Variants in NLRP14 observed in about 807,000 individuals in gnomAD.
The protein encoded by NLRP14 is NLR family pyrin domain containing 14, also known as NACHT, LRR and PYD domains-containing protein 14.
NLRP14 carries 105 observed loss-of-function variants against 94.7 expected under a neutral mutation model. The observed-to-expected ratio is 1.11, with a 90% CI of 0.95 to 1.30. NLRP14 has a LOEUF of 1.30. Among genes scored for constraint, NLRP14 ranks in the 50% most tolerant of loss-of-function variants. The pLI is 0.00. For missense variants in NLRP14, 1,362 were observed against 1,254.1 expected, an observed-to-expected ratio of 1.09 and a Z score of -1.30; for synonymous variants, 508 against 459.9, an observed-to-expected ratio of 1.10 and a Z score of -1.34.
intron 4 of NLRP14, among the ~76,000 whole-genome samples, chr11:7,044,331 G>C (rs1044013083): frequency 4.6e-5 from 7 of 152,128 alleles, no homozygotes; most frequent in African/African-American, 1.4e-4. Context: ...TTGCATCCAT[G>C]ATAATAAGTA....
downstream of NLRP14, among the ~76,000 whole-genome samples, chr11:7,075,238 C>A (rs1181285646): frequency 6.6e-6 from 1 of 152,130 alleles, no homozygotes; most frequent in Admixed American, 6.5e-5. Context: ...ATTTCTCAAG[C>A]CTAATAGCAC....
At chr11:7,087,410 A>G in the NLRP14 span, among the ~76,000 whole-genome samples, 26 of 152,348 alleles carry the variant, frequency 1.7e-4, no homozygotes, top group African/African-American at 5.8e-4. Flanking sequence ...GAGCCCTGCA[A>G]ATAAATGCCC....
intron 3 of NLRP14, 90 bp from the exon 4 acceptor site, chr11:7,042,298 A>G: frequency 9.5e-7 from 1 of 1,054,812 alleles, no homozygotes; most frequent in Non-Finnish European, 1.5e-6. Context: ...CCTAATTCCA[A>G]GTTCGGTATT....
At chr11:7,069,909 G>A (rs1852765897) in intron 10 of NLRP14, among the ~76,000 whole-genome samples, 1 of 152,160 alleles carries the variant, frequency 6.6e-6, no homozygotes, top group African/African-American at 2.4e-5. Context: ...TTACAGGCAT[G>A]AGCCACCATG....
chr11:7,070,577 TTA>T lies in NLRP14; in HGVS notation c.3146+123_3146+124del, dbSNP rs533371545. On this transcript the variant is annotated intron_variant, in intron 11 of 11. Transcript: ENST00000299481. ...GTATCATTGGGTATTTTCTAGACAC[TTA>T]TTTGTTTTTCTGTCATAGAACACTG... The T allele has an allele frequency of 4.0e-4, 278 of 694,494 alleles. 3 individuals are homozygous for T. The South Asian group carries it at 4.3e-3, about 11-fold the overall frequency. The allele number at this position is 694,494 out of a possible 1,614,324, so 43.0% of individuals were successfully genotyped here. A position where few individuals can be genotyped will look rare whatever the true frequency, so the allele number is the denominator to read the frequency against.
intron 6 of NLRP14, among the ~76,000 whole-genome samples, chr11:7,055,545 T>C (rs1852504870): frequency 6.6e-6 from 1 of 152,138 alleles, no homozygotes; most frequent in Non-Finnish European, 1.5e-5. Context: ...TAGCAGTTCC[T>C]CTTTATTGAG....
the NLRP14 span, chr11:7,089,316 G>A: frequency 5.6e-6 from 9 of 1,606,446 alleles, no homozygotes; most frequent in Admixed American, 3.4e-5. Flanking sequence ...CAAGGCCGCC[G>A]CCAGAGACAT....
rs541740830 is a variant in NLRP14, at chr11:7,038,534, T to G, written c.-21-32T>G. 2.0e-4 allele frequency: 306 copies of G among 1,523,864 alleles called. 2 individuals are homozygous for G. The South Asian group carries it at 3.3e-3, about 16-fold the overall frequency. The allele number at this position is 1,523,864 out of a possible 1,614,324, so 94.4% of individuals were successfully genotyped here. On this transcript the variant is annotated intron_variant, in intron 1 of 11. Transcript: ENST00000299481. ...TTTTTCATGTGTCCCATTTATTCCA[T>G]GTGCTTTTGGTTATTTTTTTTCCCC...
the NLRP14 span, chr11:7,089,096 C>A: frequency 1.2e-6 from 2 of 1,607,840 alleles, no homozygotes; most frequent in African/African-American, 1.3e-5. Context: ...CCCACCGCCA[C>A]TGACCGACCG....
chr11:7,059,800 G>C (rs1038864945), intron 8 of NLRP14, 94 bp from the exon 9 acceptor site: 44 of 1,105,010 alleles, frequency 4.0e-5, no homozygotes, highest in South Asian at 2.3e-4. Flanking sequence ...TTGGCAAATA[G>C]ATAAGGGATC....
intron 1 of NLRP14, among the ~76,000 whole-genome samples, chr11:7,022,800 C>T (rs79862213): frequency 0.028 from 4,238 of 152,210 alleles, 220 homozygotes; most frequent in African/African-American, 0.096. Flanking sequence ...AGAGATATAG[C>T]TGCAATTCAA....
intron 1 of NLRP14, among the ~76,000 whole-genome samples, chr11:7,035,291 C>G (rs1852145862): frequency 6.6e-6 from 1 of 152,196 alleles, no homozygotes; most frequent in Non-Finnish European, 1.5e-5. Context: ...CACCACTACA[C>G]TCCAGCCTGG....
At chr11:7,044,828 C>A (rs1852326065) in intron 4 of NLRP14, among the ~76,000 whole-genome samples, 1 of 152,050 alleles carries the variant, frequency 6.6e-6, no homozygotes, top group African/African-American at 2.4e-5. Context: ...TTTAAGATTA[C>A]AAAACTCAGA....
chr11:7,077,399 G>A, the NLRP14 span, among the ~76,000 whole-genome samples: 2 of 152,238 alleles, frequency 1.3e-5, no homozygotes, highest in Non-Finnish European at 2.9e-5. Flanking sequence ...CTGGGCCGAG[G>A]TCCCAATCTC....
chr11:7,044,668 A>G (rs1338019952), intron 4 of NLRP14, among the ~76,000 whole-genome samples: 2 of 152,200 alleles, frequency 1.3e-5, no homozygotes, highest in Admixed American at 1.3e-4. Flanking sequence ...CTGACTACCC[A>G]TCTAAATCTG....
chr11:7,052,041 T>C (rs537016132), intron 6 of NLRP14, among the ~76,000 whole-genome samples: 3 of 152,344 alleles, frequency 2.0e-5, no homozygotes, highest in Admixed American at 6.5e-5. Context: ...ATAGGCCTTA[T>C]AATAGGTCTT....
intron 1 of NLRP14, among the ~76,000 whole-genome samples, chr11:7,038,244 C>G (rs1852189264): frequency 6.6e-6 from 1 of 152,128 alleles, no homozygotes; most frequent in Admixed American, 6.5e-5. Flanking sequence ...TAGAGGTTGG[C>G]TCTGCTATCC....
chr11:7,072,249 G>A (rs1852811653), downstream of NLRP14, among the ~76,000 whole-genome samples: 1 of 152,214 alleles, frequency 6.6e-6, no homozygotes, highest in South Asian at 2.1e-4. Flanking sequence ...AGATTGCTCT[G>A]GAGGCCCCAG....
chr11:7,062,562 A>G, intron 10 of NLRP14, 59 bp downstream of exon 10: 1 of 1,427,082 alleles, frequency 7.0e-7, no homozygotes, highest in South Asian at 1.1e-5. Context: ...GTATAGCTAG[A>G]AGATATTTAG....
Sources: allele counts gnomAD v4.1 joint callset (sites outside exome capture counted in the v4.1 genomes callset), GRCh38; gene constraint gnomAD v4.1.1; transcripts MANE v1.5; gene names NCBI Gene and HGNC (gene_info 2026-07-23, HGNC 2026-07-21).